The following BRSK2 variants were observed in gnomAD, a reference collection of about 807,000 sequenced individuals.
BRSK2 encodes the protein BR serine/threonine kinase 2.
Under a neutral mutation model 83.3 loss-of-function variants are expected in BRSK2, and 19 were observed. The observed-to-expected ratio is 0.23, with a 90% CI of 0.16 to 0.33. BRSK2 has a LOEUF of 0.33. Among genes scored for constraint, BRSK2 ranks in the 10% least tolerant of loss-of-function variants. BRSK2 has a pLI of 1.00. For missense variants in BRSK2, 798 were observed against 1,042.3 expected, an observed-to-expected ratio of 0.77 and a Z score of 3.23; for synonymous variants, 519 against 435.4, an observed-to-expected ratio of 1.19 and a Z score of -2.39.
intron 19 of BRSK2, among the ~76,000 whole-genome samples, 185 bp from the exon 20 acceptor site, chr11:1,460,315 C>T (rs1019384221): frequency 2.6e-5 from 4 of 151,974 alleles, no homozygotes; most frequent in Non-Finnish European, 2.9e-5. Context: ...CCCTGCTTGC[C>T]GCCCACCGGT....
At chr11:1,449,490 G>A (rs1366965487) in intron 12 of BRSK2, among the ~76,000 whole-genome samples, 1 of 152,204 alleles carries the variant, frequency 6.6e-6, no homozygotes, top group African/African-American at 2.4e-5. Context: ...ACGCTGGATG[G>A]TCCTTTGCCG....
At chr11:1,397,562 T>C (rs1846207183) in intron 1 of BRSK2, among the ~76,000 whole-genome samples, 1 of 152,238 alleles carries the variant, frequency 6.6e-6, no homozygotes, top group Non-Finnish European at 1.5e-5. Context: ...CTACGCTGCT[T>C]TGCCCCAGGG....
At chr11:1,424,019 A>G (rs964342706) in intron 1 of BRSK2, among the ~76,000 whole-genome samples, 1 of 152,098 alleles carries the variant, frequency 6.6e-6, no homozygotes, top group Non-Finnish European at 1.5e-5. Flanking sequence ...GCTATGTTAT[A>G]TTGAGATCCA....
intron 1 of BRSK2, among the ~76,000 whole-genome samples, chr11:1,428,026 G>C (rs1323352192): frequency 6.6e-6 from 1 of 152,196 alleles, no homozygotes; most frequent in African/African-American, 2.4e-5. Context: ...TGGGCTCTGA[G>C]GAGTGTGTAG....
intron 19 of BRSK2, among the ~76,000 whole-genome samples, chr11:1,460,210 G>A (rs750137484): frequency 9.2e-5 from 14 of 152,254 alleles, no homozygotes; most frequent in South Asian, 4.2e-4. Flanking sequence ...ACAGCTCGGA[G>A]GCGCTGGGGT....
chr11:1,436,695 G>A (rs1850347884), intron 2 of BRSK2, among the ~76,000 whole-genome samples: 1 of 152,074 alleles, frequency 6.6e-6, no homozygotes, highest in South Asian at 2.1e-4. Flanking sequence ...TAGAGGAAGA[G>A]GCTGGGGCTC....
chr11:1,458,087 C>A (rs1002576520), intron 18 of BRSK2, among the ~76,000 whole-genome samples: 7 of 152,128 alleles, frequency 4.6e-5, no homozygotes, highest in African/African-American at 1.7e-4. Flanking sequence ...CAGGGAACGA[C>A]AGGGCAGCCA....
intron 8 of BRSK2, among the ~76,000 whole-genome samples, chr11:1,444,202 C>T (rs1226179378): frequency 6.6e-6 from 1 of 152,078 alleles, no homozygotes; most frequent in East Asian, 1.9e-4. Flanking sequence ...GGGCAAGCTC[C>T]AGGCAGCGTG....
At chr11:1,440,637 C>T in intron 3 of BRSK2, 151 bp from the exon 4 acceptor site, 2 of 854,458 alleles carry the variant, frequency 2.3e-6, no homozygotes, top group Non-Finnish European at 1.6e-6. Context: ...CCACCATAGT[C>T]AGGGCTCCTC....
intron 8 of BRSK2, among the ~76,000 whole-genome samples, chr11:1,444,626 G>A (rs943838705): frequency 6.6e-6 from 1 of 152,046 alleles, no homozygotes; most frequent in Admixed American, 6.5e-5. Context: ...AGGCACCTGG[G>A]GCTGCCCTGG....
intron 1 of BRSK2, among the ~76,000 whole-genome samples, chr11:1,398,867 C>T (rs1428633049): frequency 6.6e-6 from 1 of 152,170 alleles, no homozygotes; most frequent in South Asian, 2.1e-4. Flanking sequence ...TGTGTGGGGC[C>T]CCCTGGAGCC....
chr11:1,425,240 G>A (rs1298029663), intron 1 of BRSK2, among the ~76,000 whole-genome samples: 3 of 152,224 alleles, frequency 2.0e-5, no homozygotes, highest in Non-Finnish European at 4.4e-5. Context: ...CCTCTCAGGT[G>A]GCTCTGGTGA....
intron 8 of BRSK2, 50 bp from the exon 9 acceptor site, chr11:1,444,921 C>G: frequency 6.4e-7 from 1 of 1,574,376 alleles, no homozygotes; most frequent in Non-Finnish European, 8.7e-7. Context: ...CTAATGTGGG[C>G]TCTTTCCGTC....
intron 19 of BRSK2, 33 bp from the exon 20 acceptor site, chr11:1,460,460 CCTTTTTT>C (rs1410428664): frequency 1.4e-4 from 156 of 1,122,220 alleles, no homozygotes; most frequent in Middle Eastern, 3.0e-4. Context: ...TTTCTTTTTT[CCTTTTTT>C]TTTTTTTTTT....
rs372722147 is a variant in BRSK2 at position 1,445,284 on chromosome 11, G to C, written c.813-10G>C. Reference sequence around the variant, plus strand: ...AGCTGATGAGCGGGTGGCCCGTCCTGTGTCCACAGAGGGGGCAAGAATGAG... The same window carrying C: ...AGCTGATGAGCGGGTGGCCCGTCCTCTGTCCACAGAGGGGGCAAGAATGAG... On this transcript the variant is annotated splice_polypyrimidine_tract_variant and intron_variant, in intron 9 of 19. Coordinates refer to ENST00000528841, the MANE Select transcript of BRSK2 (RefSeq NM_001256627.2). 6.2e-7 allele frequency: 1 copy of C among 1,600,900 alleles called. No homozygotes were observed. Among genetic ancestry groups the C allele is most frequent in the East Asian group, 2.2e-5 (1 of 44,512 alleles).
intron 1 of BRSK2, among the ~76,000 whole-genome samples, chr11:1,414,729 G>A (rs1590379759): frequency 6.6e-6 from 1 of 152,168 alleles, no homozygotes; most frequent in African/African-American, 2.4e-5. Context: ...GGGACCCTGC[G>A]CCACACGTTC....
At chr11:1,424,201 G>T (rs563087847) in intron 1 of BRSK2, among the ~76,000 whole-genome samples, 17 of 152,334 alleles carry the variant, frequency 1.1e-4, no homozygotes, top group African/African-American at 3.8e-4. Context: ...GAACTGCTCC[G>T]TGAGCCCCGG....
rs931444698 is a variant in BRSK2, at chr11:1,413,533, C to T, written c.92-22507C>T. Among the ~76,000 whole-genome samples, 48 of 152,252 alleles carry T rather than the reference C, an allele frequency of 3.2e-4. 1 individual carries two copies. Among genetic ancestry groups the T allele is most frequent in the Admixed American group, 2.9e-3 (45 of 15,294 alleles). On this transcript the variant is annotated intron_variant, in intron 1 of 19. Coordinates refer to ENST00000528841, the MANE Select transcript of BRSK2 (RefSeq NM_001256627.2). The stretch of plus-strand genomic sequence containing the variant: ...CTGACCTTCTGCCCTGGGAGCCCTA[C>T]AGCCCACATGGGCCCTGGCATCCAG...
chr11:1,443,668 C>T (rs758771886), intron 8 of BRSK2, 33 bp downstream of exon 8: 86 of 1,441,474 alleles, frequency 6.0e-5, no homozygotes, highest in Middle Eastern at 1.8e-4. Context: ...GGCCCCAGAG[C>T]GTGGCGGGGG....
Sources: gnomAD v4.1 joint callset for allele counts (sites outside exome capture counted in the v4.1 genomes callset) on GRCh38, gnomAD v4.1.1 for gene constraint, MANE v1.5 for transcripts, NCBI Gene and HGNC (gene_info 2026-07-23, HGNC 2026-07-21) for gene names.